The following NOS1AP variants were observed in gnomAD, a reference collection of about 807,000 sequenced individuals.
NOS1AP encodes the protein nitric oxide synthase 1 adaptor protein, also known as carboxyl-terminal PDZ ligand of neuronal nitric oxide synthase protein.
NOS1AP carries 21 observed loss-of-function variants against 56.2 expected under a neutral mutation model. The observed-to-expected ratio is 0.37, with a 90% confidence interval of 0.26 to 0.54. The LOEUF (loss-of-function observed/expected upper bound fraction) is 0.54, where lower values mean the gene tolerates loss of function less well. Ranked by LOEUF, NOS1AP falls within the 20% of genes least tolerant of loss-of-function variation. The pLI is 0.84. For synonymous variants in NOS1AP, 270 were observed against 274.6 expected, an observed-to-expected ratio of 0.98 and a Z score of 0.17; for missense variants, 522 against 657.8, an observed-to-expected ratio of 0.79 and a Z score of 2.26.
chr1:162,292,732 G>A (rs556998521), intron 3 of NOS1AP, among the ~76,000 whole-genome samples: 60 of 152,308 alleles, frequency 3.9e-4, no homozygotes, highest in African/African-American at 1.3e-3. Flanking sequence ...TCTGTCATGG[G>A]TGTATTACAT....
At chr1:162,222,211 T>G (rs1652805676) in intron 2 of NOS1AP, among the ~76,000 whole-genome samples, 1 of 152,200 alleles carries the variant, frequency 6.6e-6, no homozygotes, top group Admixed American at 6.5e-5. Context: ...CAGCAATATG[T>G]GACAGCTTGA....
At chr1:162,116,977 C>T (rs551858243) in intron 1 of NOS1AP, among the ~76,000 whole-genome samples, 1 of 152,262 alleles carries the variant, frequency 6.6e-6, no homozygotes, top group South Asian at 2.1e-4. Context: ...AGGAGACAGC[C>T]TTTGTTCCAT....
chr1:162,194,893 T>G (rs927425926), intron 2 of NOS1AP, among the ~76,000 whole-genome samples: 6 of 152,192 alleles, frequency 3.9e-5, no homozygotes, highest in African/African-American at 7.2e-5. Flanking sequence ...GGAGCTAGAA[T>G]TTTATATCCA....
At chr1:162,201,988 G>A (rs964116352) in intron 2 of NOS1AP, among the ~76,000 whole-genome samples, 14 of 152,172 alleles carry the variant, frequency 9.2e-5, no homozygotes, top group African/African-American at 3.1e-4. Context: ...GAGTTGGAAA[G>A]CCTACCCTAT....
intron 2 of NOS1AP, among the ~76,000 whole-genome samples, chr1:162,277,227 C>G (rs1375979495): frequency 6.6e-6 from 1 of 152,164 alleles, no homozygotes; most frequent in Non-Finnish European, 1.5e-5. Context: ...CTGGGTGTAG[C>G]TTCCAGTTTT....
At chr1:162,345,602 A>G (rs1238036336) in intron 6 of NOS1AP, among the ~76,000 whole-genome samples, 1 of 152,220 alleles carries the variant, frequency 6.6e-6, no homozygotes, top group Non-Finnish European at 1.5e-5. Context: ...ATCCCACTCA[A>G]AAAGTTAAAA....
At chr1:162,304,780 C>CTGTGTGTGTGTG (rs3055849) in intron 4 of NOS1AP, among the ~76,000 whole-genome samples, 33 of 146,090 alleles carry the variant, frequency 2.3e-4, no homozygotes, top group African/African-American at 7.6e-4. Flanking sequence ...ATTTTTATAT[C>CTGTGTGTGTGTG]TGTGTGTGTG....
chr1:162,203,035 G>C (rs945365354), intron 2 of NOS1AP, among the ~76,000 whole-genome samples: 7 of 152,050 alleles, frequency 4.6e-5, no homozygotes, highest in Non-Finnish European at 1.0e-4. Context: ...TGCTGTATTT[G>C]TGCCTTGAGT....
chr1:162,312,779 A>C (rs1424172207), intron 4 of NOS1AP, among the ~76,000 whole-genome samples: 1 of 152,096 alleles, frequency 6.6e-6, no homozygotes, highest in Non-Finnish European at 1.5e-5. Flanking sequence ...AAGCTTATCC[A>C]CCATGATCAA....
chr1:162,365,179 C>G (rs779058245), intron 8 of NOS1AP: 184 of 1,432,572 alleles, frequency 1.3e-4, no homozygotes, highest in Non-Finnish European at 1.3e-4. Context: ...TGCATCATGG[C>G]CCTCCCTTAG....
chr1:162,229,220 G>A (rs1183389565), intron 2 of NOS1AP, among the ~76,000 whole-genome samples: 4 of 152,176 alleles, frequency 2.6e-5, no homozygotes, highest in Non-Finnish European at 4.4e-5. Context: ...CATGAGAATA[G>A]GAACCAGGCC....
intron 2 of NOS1AP, among the ~76,000 whole-genome samples, chr1:162,257,377 G>A (rs1380463041): frequency 1.3e-5 from 2 of 151,940 alleles, no homozygotes; most frequent in Non-Finnish European, 2.9e-5. Context: ...GACCAGGCAC[G>A]GTGGCTCATG....
chr1:162,181,224 C>T (rs1230011035), intron 2 of NOS1AP, among the ~76,000 whole-genome samples: 27 of 152,198 alleles, frequency 1.8e-4, no homozygotes, highest in Admixed American at 1.8e-3. Context: ...AAGAAACTGA[C>T]TTCAAAGGAG....
At chr1:162,203,896 G>A (rs1045992693) in intron 2 of NOS1AP, among the ~76,000 whole-genome samples, 3 of 152,126 alleles carry the variant, frequency 2.0e-5, no homozygotes, top group Admixed American at 2.0e-4. Context: ...AGCACCAAGG[G>A]TCAGCCCATA....
At chr1:162,141,494 G>A (rs1261459184) in intron 1 of NOS1AP, among the ~76,000 whole-genome samples, 1 of 152,182 alleles carries the variant, frequency 6.6e-6, no homozygotes, top group Non-Finnish European at 1.5e-5. Context: ...AAGATGTGGG[G>A]CCAAAAGACC....
chr1:162,125,380 C>T (rs1402140337), intron 1 of NOS1AP, among the ~76,000 whole-genome samples: 1 of 152,076 alleles, frequency 6.6e-6, no homozygotes, highest in East Asian at 1.9e-4. Context: ...GCAATCTGCC[C>T]ACCTTGGCCT....
chr1:162,145,413 G>C (rs1234858354), intron 1 of NOS1AP, among the ~76,000 whole-genome samples: 1 of 152,094 alleles, frequency 6.6e-6, no homozygotes, highest in Non-Finnish European at 1.5e-5. Context: ...AGTGGGGAGT[G>C]GGATACCCTG....
At chr1:162,158,049 G>T (rs1240980854) in intron 2 of NOS1AP, among the ~76,000 whole-genome samples, 1 of 152,136 alleles carries the variant, frequency 6.6e-6, no homozygotes, top group Non-Finnish European at 1.5e-5. Flanking sequence ...ATTTTTAAGT[G>T]TGAAGTTCAG....
chr1:162,210,036 T>C (rs1208072448), intron 2 of NOS1AP, among the ~76,000 whole-genome samples: 1 of 152,286 alleles, frequency 6.6e-6, no homozygotes, highest in Non-Finnish European at 1.5e-5. Context: ...AAAATGTATA[T>C]ATTTTTGTTA....
Sources: gnomAD v4.1 joint callset for allele counts (sites outside exome capture counted in the v4.1 genomes callset) on GRCh38, gnomAD v4.1.1 for gene constraint, MANE v1.5 for transcripts, NCBI Gene and HGNC (gene_info 2026-07-23, HGNC 2026-07-21) for gene names.